CDK15: variants seen among roughly 807,000 people sequenced by gnomAD.
CDK15 encodes the protein cyclin-dependent kinase 15.
In CDK15, 62 loss-of-function variants were observed where a neutral mutation model predicts 60.3. The ratio of observed to expected loss-of-function variants is 1.03; its 90% CI spans 0.84 to 1.27. The LOEUF is 1.27. Ranked by LOEUF, CDK15 falls within the 50% of genes most tolerant of loss-of-function variation. CDK15 has a pLI of 0.00. For missense variants in CDK15, 541 were observed against 527.8 expected (o/e 1.03, Z -0.25); for synonymous variants, 194 against 195.7 (o/e 0.99, Z 0.07).
chr2:201,879,026 C>T (rs894476652), intron 11 of CDK15, among the ~76,000 whole-genome samples: 3 of 152,236 alleles, frequency 2.0e-5, no homozygotes, highest in African/African-American at 7.2e-5. Context: ...TCTACCTGAG[C>T]TGCCAGAAGA....
chr2:201,806,918 C>T, intron 1 of CDK15, 131 bp downstream of exon 1: 1 of 1,096,722 alleles, frequency 9.1e-7, no homozygotes, highest in Admixed American at 3.0e-5. Flanking sequence ...CTATTAAAGT[C>T]ACAGAAAATT....
intron 6 of CDK15, among the ~76,000 whole-genome samples, chr2:201,830,192 T>C (rs559028246): frequency 7.9e-5 from 12 of 152,246 alleles, no homozygotes; most frequent in African/African-American, 2.9e-4. Context: ...CCTCCTGCCT[T>C]GGCCTCCCAA....
intron 8 of CDK15, among the ~76,000 whole-genome samples, chr2:201,836,933 A>G (rs771548092): frequency 6.6e-6 from 1 of 151,930 alleles, no homozygotes; most frequent in Non-Finnish European, 1.5e-5. Context: ...ATGTTTCTCC[A>G]TTTTTAAAAA....
At chr2:201,892,569 G>A (rs1032278311) in intron 13 of CDK15, among the ~76,000 whole-genome samples, 3 of 152,228 alleles carry the variant, frequency 2.0e-5, no homozygotes, top group Non-Finnish European at 4.4e-5. Flanking sequence ...TTGAAGAAGG[G>A]AGAAGGCAGA....
chr2:201,808,037 T>A (rs79681158), intron 3 of CDK15, 85 bp downstream of exon 3: 1 of 1,124,910 alleles, frequency 8.9e-7, no homozygotes, highest in East Asian at 2.4e-5. Context: ...TGAGACATCA[T>A]AGAAGTTCAT....
rs905626514 is a variant in CDK15, at chr2:201,871,995, A to G, written c.1010-283A>G. 2.2e-4 allele frequency among the ~76,000 whole-genome samples: 33 copies of G among 152,108 alleles called. 1 individual carries two copies. The highest frequency in any genetic ancestry group is 1.4e-3 in the Admixed American group (22 of 15,264). ...GCTTTCATCTTAACTAATTACATCTACAATGACCCTATTTCCATATAAGAT... is the reference window on the plus strand; with the variant it reads ...GCTTTCATCTTAACTAATTACATCTGCAATGACCCTATTTCCATATAAGAT... On this transcript the variant is annotated intron_variant, in intron 10 of 13. Coordinates refer to ENST00000652192, the MANE Select transcript of CDK15 (RefSeq NM_001366386.2).
Position 201,890,839 on chromosome 2 carries a change from T to C in CDK15, c.1253T>C (p.Leu418Pro). ...GVRLKPEMCD[L>P]LASYQKGHHP... Reference sequence around the variant, plus strand: ...AGGCTAAAGCCAGAAATGTGTGACCTTTTGGCCTCCTACCAGAAAGGTCAC... The same window carrying C: ...AGGCTAAAGCCAGAAATGTGTGACCCTTTGGCCTCCTACCAGAAAGGTCAC... Residue 418 changes from leucine (L) to proline (P), a missense_variant, in exon 13 of 14, where the codon CTT (leucine) becomes CCT (proline). Physicochemically the swap from Leu to Pro is moderately conservative, Grantham distance 98. Coordinates refer to ENST00000652192, the MANE Select transcript of CDK15 (RefSeq NM_001366386.2). 1 of 1,613,430 alleles carries C rather than the reference T, an allele frequency of 6.2e-7. No individual in the cohort carries two copies. The highest frequency in any genetic ancestry group is 8.5e-7 in the Non-Finnish European group (1 of 1,179,634).
chr2:201,890,741 C>A, intron 12 of CDK15, 44 bp from the exon 13 acceptor site: 1 of 1,450,978 alleles, frequency 6.9e-7, no homozygotes, highest in Non-Finnish European at 9.5e-7. Flanking sequence ...ACAGAAGATC[C>A]CAGGAAATAA....
At chr2:201,888,193 A>G (rs1699527202) in intron 12 of CDK15, among the ~76,000 whole-genome samples, 1 of 152,160 alleles carries the variant, frequency 6.6e-6, no homozygotes, top group African/African-American at 2.4e-5. Context: ...TTATCAGCCC[A>G]GGAAGAGTAA....
chr2:201,812,666 A>G lies in CDK15; in HGVS notation c.448+104A>G, dbSNP rs1353791519. 3 of 556,880 alleles carry G rather than the reference A, an allele frequency of 5.4e-6. No homozygotes were observed. In the African/African-American group the frequency reaches 5.8e-5, roughly 11 times the overall value. The allele number at this position is 556,880 out of a possible 1,614,324, so 34.5% of individuals were successfully genotyped here. On this transcript the variant is annotated intron_variant, in intron 4 of 13. Coordinates refer to ENST00000652192, the MANE Select transcript of CDK15 (RefSeq NM_001366386.2). ...CAGCATCTAGTTTTGATTCTTCTGG[A>G]ATACTATAATTACATTTTTATTTTT...
chr2:201,840,483 C>T (rs1016035616), intron 8 of CDK15, among the ~76,000 whole-genome samples: 1 of 152,168 alleles, frequency 6.6e-6, no homozygotes, highest in Non-Finnish European at 1.5e-5. Flanking sequence ...TAAGACTGCT[C>T]ATTATTCCTT....
chr2:201,822,445 C>T (rs1274046552), intron 4 of CDK15, among the ~76,000 whole-genome samples: 3 of 152,222 alleles, frequency 2.0e-5, no homozygotes, highest in Non-Finnish European at 4.4e-5. Flanking sequence ...TTTCCTGCTC[C>T]TCCAAAGCCC....
At position 201,894,073 on chromosome 2, in the gene CDK15, C is replaced by CCACACACACACACACACACACACACA. The variant is rs5837794; in HGVS notation, c.*822_*847dup. 4.9e-5 allele frequency: 7 copies of CCACACACACACACACACACACACACA among 144,314 alleles called. No homozygotes were observed. The highest frequency in any genetic ancestry group is 2.2e-4 in the South Asian group (1 of 4,446). 8.9% of individuals were successfully genotyped at this position (144,314 alleles called of 1,614,324 possible). On this transcript the variant is annotated 3_prime_UTR_variant, in exon 14 of 14. Coordinates refer to ENST00000652192, the MANE Select transcript of CDK15 (RefSeq NM_001366386.2). ...ATGTAATTTAAGCCCTGTTGCACCACCACACACACACACACACACACACAC... is the reference window on the plus strand; with the variant it reads ...ATGTAATTTAAGCCCTGTTGCACCACCACACACACACACACACACACACACACACACACACACACACACACACACAC...
At chr2:201,851,705 G>T (rs1319939507) in intron 9 of CDK15, among the ~76,000 whole-genome samples, 1 of 152,108 alleles carries the variant, frequency 6.6e-6, no homozygotes, top group African/African-American at 2.4e-5. Flanking sequence ...TGTTGCCCAG[G>T]CTGGAATGCA....
chr2:201,838,976 C>T (rs1043875192), intron 8 of CDK15, among the ~76,000 whole-genome samples: 4 of 151,542 alleles, frequency 2.6e-5, no homozygotes, highest in Non-Finnish European at 5.9e-5. Context: ...GAGTCTCGCT[C>T]GTCGCCCAGG....
chr2:201,853,520 C>A (rs1476649433), intron 9 of CDK15, among the ~76,000 whole-genome samples: 1 of 152,120 alleles, frequency 6.6e-6, no homozygotes, highest in Non-Finnish European at 1.5e-5. Context: ...AATAATTGGG[C>A]CAGTATCTAT....
At chr2:201,871,673 G>C (rs1209241346) in intron 10 of CDK15, among the ~76,000 whole-genome samples, 1 of 152,120 alleles carries the variant, frequency 6.6e-6, no homozygotes, top group African/African-American at 2.4e-5. Flanking sequence ...TATGTTGACT[G>C]TATTAGTTTG....
intron 11 of CDK15, among the ~76,000 whole-genome samples, chr2:201,872,657 A>G (rs1698898462): frequency 6.6e-6 from 1 of 150,538 alleles, no homozygotes; most frequent in Non-Finnish European, 1.5e-5. Flanking sequence ...AACATCATTG[A>G]GTGGCTATTG....
chr2:201,806,762 C>T lies in CDK15; in HGVS notation c.98C>T (p.Pro33Leu), dbSNP rs1003207221. Residue 33 changes from proline (P) to leucine (L), a missense_variant, in exon 1 of 14, where the codon CCT (proline) becomes CTT (leucine). Coordinates refer to ENST00000652192, the MANE Select transcript of CDK15 (RefSeq NM_001366386.2). ...GEAHSCRRSQ[P>L]ETTEAAFKLT... ...GCACACAGCTGTCGGAGGAGTCAGC[C>T]TGAGACCACGGAGGCTGCGTTCAAG... 1.0e-5 allele frequency: 16 copies of T among 1,598,450 alleles called. No individual in the cohort carries two copies. In the African/African-American group the frequency reaches 2.0e-4, roughly 20 times the overall value.
Sources: gnomAD v4.1 joint callset for allele counts (sites outside exome capture counted in the v4.1 genomes callset) on GRCh38, gnomAD v4.1.1 for gene constraint, MANE v1.5 for transcripts, NCBI Gene and HGNC (gene_info 2026-07-23, HGNC 2026-07-21) for gene names.